HUNK: variants seen among roughly 807,000 people sequenced by gnomAD.
HUNK encodes hormonally up-regulated neu tumor-associated kinase.
HUNK carries 21 observed loss-of-function variants against 61.0 expected under a neutral mutation model. That is an observed-to-expected ratio of 0.34 (90% CI 0.24 to 0.50). The LOEUF (loss-of-function observed/expected upper bound fraction) is 0.50, where lower values mean the gene tolerates loss of function less well. HUNK is among the 20% of genes least tolerant of loss of function. The probability of loss-of-function intolerance (pLI) is 0.98; values close to 1 mark genes in which losing one functional copy is unlikely to be tolerated. For missense variants in HUNK, 772 were observed against 945.7 expected (o/e 0.82, Z 2.41); for synonymous variants, 371 against 386.1 (o/e 0.96, Z 0.46).
chr21:31,992,908 T>G (rs904444630), intron 9 of HUNK, among the ~76,000 whole-genome samples: 1 of 152,194 alleles, frequency 6.6e-6, no homozygotes, highest in African/African-American at 2.4e-5. Context: ...CTGAGGTTTG[T>G]CCCCGACAGG....
chr21:31,886,030 G>A (rs1031861667), intron 1 of HUNK, among the ~76,000 whole-genome samples: 1 of 152,140 alleles, frequency 6.6e-6, no homozygotes, highest in African/African-American at 2.4e-5. Context: ...GAGCCACCAC[G>A]CTTGGCCTAT....
Position 31,999,028 on chromosome 21 carries a change from C to A in HUNK, c.1989C>A (p.Phe663Leu). 1 of 1,614,220 alleles carries A rather than the reference C, an allele frequency of 6.2e-7. No homozygotes were observed. The highest frequency in any genetic ancestry group is 8.5e-7 in the Non-Finnish European group (1 of 1,180,048). ...ATTGTGTGAAAAGCCGAGGCCGGTT[C>A]CCTATGATGGGCATCGGACAGATGT... is the stretch of plus-strand genomic sequence containing the variant. ...SPNCVKSRGR[F>L]PMMGIGQMLR... The change falls in exon 11 of 11, where the codon TTC becomes TTA. Residue 663 changes from phenylalanine to leucine, a missense_variant. This residue lies in a region of HUNK where 413 missense variants were observed against 444.4 expected (regional missense o/e 0.93). Coordinates refer to ENST00000270112, the MANE Select transcript of HUNK (RefSeq NM_014586.2).
chr21:31,938,245 G>T (rs762848049), intron 2 of HUNK, among the ~76,000 whole-genome samples: 1 of 152,156 alleles, frequency 6.6e-6, no homozygotes, highest in Non-Finnish European at 1.5e-5. Flanking sequence ...TTCCCCACCA[G>T]CCTGTTGGGT....
At chr21:31,915,947 C>A (rs1451960922) in intron 1 of HUNK, among the ~76,000 whole-genome samples, 1 of 151,470 alleles carries the variant, frequency 6.6e-6, no homozygotes, top group Non-Finnish European at 1.5e-5. Flanking sequence ...TTCACCCTCT[C>A]TACGGGTTGA....
chr21:31,946,278 C>G, intron 4 of HUNK, 107 bp downstream of exon 4: 1 of 1,092,574 alleles, frequency 9.2e-7, no homozygotes, highest in East Asian at 2.7e-5. Flanking sequence ...GTGACAGGCC[C>G]AGGAGTATGT....
At chr21:31,950,738 T>C (rs1187325818) in intron 4 of HUNK, among the ~76,000 whole-genome samples, 1 of 152,190 alleles carries the variant, frequency 6.6e-6, no homozygotes, top group South Asian at 2.1e-4. Context: ...TTGAATTTAA[T>C]GTAGAAGGCT....
chr21:31,916,143 C>T (rs1366543990), intron 1 of HUNK, among the ~76,000 whole-genome samples: 5 of 150,614 alleles, frequency 3.3e-5, no homozygotes, highest in East Asian at 2.0e-4. Flanking sequence ...CTCCGCCTCC[C>T]GGGTTCATGC....
At chr21:31,980,368 C>T (rs1436202426) in intron 7 of HUNK, among the ~76,000 whole-genome samples, 2 of 143,766 alleles carry the variant, frequency 1.4e-5, no homozygotes, top group Non-Finnish European at 3.0e-5. Flanking sequence ...CCGCACCAGG[C>T]CTGTCTTCTT....
chr21:31,911,034 T>C (rs1444077874), intron 1 of HUNK, among the ~76,000 whole-genome samples: 1 of 152,218 alleles, frequency 6.6e-6, no homozygotes, highest in Non-Finnish European at 1.5e-5. Context: ...GAAGGTCAAC[T>C]GTACAATCAC....
intron 1 of HUNK, among the ~76,000 whole-genome samples, chr21:31,883,217 C>T (rs1345795576): frequency 6.6e-6 from 1 of 152,022 alleles, no homozygotes; most frequent in Non-Finnish European, 1.5e-5. Context: ...ACATTGATAA[C>T]CCTTATAATT....
chr21:31,998,445 TG>T, intron 10 of HUNK, 80 bp from the exon 11 acceptor site: 1 of 1,305,768 alleles, frequency 7.7e-7, no homozygotes, highest in Non-Finnish European at 1.0e-6. Flanking sequence ...TCAGTTAAGC[TG>T]GAGGTCACAG....
chr21:31,908,889 A>G (rs1479669376), intron 1 of HUNK, among the ~76,000 whole-genome samples: 2 of 152,038 alleles, frequency 1.3e-5, no homozygotes, highest in Non-Finnish European at 2.9e-5. Flanking sequence ...TTTTGCCAAT[A>G]TATTTATCAG....
chr21:31,938,977 C>T (rs1465168160), intron 2 of HUNK, among the ~76,000 whole-genome samples: 1 of 152,146 alleles, frequency 6.6e-6, no homozygotes, highest in Non-Finnish European at 1.5e-5. Context: ...TTACTGAGTA[C>T]CTGGAATGTG....
chr21:31,974,901 T>G lies in HUNK; in HGVS notation c.1173+184T>G, dbSNP rs530955254. On this transcript the variant is annotated intron_variant, in intron 7 of 10. Coordinates refer to ENST00000270112, the MANE Select transcript of HUNK (RefSeq NM_014586.2). The stretch of plus-strand genomic sequence containing the variant: ...TGCTTCTCAGGGAGTGCCTTTTATC[T>G]GCAATGTTTTTCAAATACTCTCCCA... 2.0e-5 allele frequency among the ~76,000 whole-genome samples: 3 copies of G among 152,276 alleles called. No homozygotes were observed. The South Asian group carries it at 6.2e-4, about 32-fold the overall frequency.
chr21:31,903,679 A>G (rs1195002705), intron 1 of HUNK, among the ~76,000 whole-genome samples: 3 of 152,214 alleles, frequency 2.0e-5, no homozygotes, highest in Non-Finnish European at 4.4e-5. Context: ...CCAAACCTCT[A>G]TTAAATAAAA....
Position 31,873,882 on chromosome 21 carries a change from G to A in HUNK, c.208G>A (p.Glu70Lys). Residue 70 changes from glutamate to lysine, a missense_variant, in exon 1 of 11, where the codon GAG becomes AAG. By Grantham distance (56) the Glu-to-Lys change is moderately conservative (BLOSUM62 1). Transcript: ENST00000270112. The surrounding 1 kb of genome is among the most constrained non-coding windows in gnomAD (Gnocchi z 6.1). Reference protein sequence around the residue: ...NYLIGSRKLGEGSFAKVREGL... With the variant: ...NYLIGSRKLGKGSFAKVREGL... ...CCTCATCGGCAGCAGGAAGCTGGGC[G>A]AGGGCTCCTTTGCCAAGGTGCGCGA... 6.3e-7 allele frequency: 1 copy of A among 1,586,928 alleles called. No individual in the cohort carries two copies. The highest frequency in any genetic ancestry group is 8.6e-7 in the Non-Finnish European group (1 of 1,168,906).
At chr21:31,976,037 CTT>C (rs1374017798) in intron 7 of HUNK, among the ~76,000 whole-genome samples, 5 of 152,260 alleles carry the variant, frequency 3.3e-5, no homozygotes, top group African/African-American at 1.2e-4. Context: ...CACAGAACTC[CTT>C]TGTTTTTGTT....
chr21:31,947,949 T>C (rs2052821058), intron 4 of HUNK, among the ~76,000 whole-genome samples: 1 of 152,192 alleles, frequency 6.6e-6, no homozygotes. Context: ...CTTGTCCAGG[T>C]TGGCAGAAAA....
intron 1 of HUNK, among the ~76,000 whole-genome samples, chr21:31,898,793 GT>G: frequency 1.3e-5 from 2 of 152,226 alleles, no homozygotes; most frequent in East Asian, 3.9e-4. Flanking sequence ...CTTGGAATGA[GT>G]TTGAGAAGTT....
Sources: gnomAD v4.1 joint callset for allele counts (sites outside exome capture counted in the v4.1 genomes callset) on GRCh38, gnomAD v4.1.1 for gene constraint, gnomAD v4.1.1 regional missense constraint, Gnocchi (gnomAD v3.1) non-coding constraint, MANE v1.5 for transcripts, NCBI Gene and HGNC (gene_info 2026-07-23, HGNC 2026-07-21) for gene names.